Variants in TNIK observed in about 807,000 individuals in gnomAD.
TNIK encodes the protein TRAF2 and NCK interacting kinase, also known as TRAF2 and NCK-interacting protein kinase.
A neutral mutation model predicts 191.3 loss-of-function variants in TNIK; 49 were observed. The ratio of observed to expected loss-of-function variants is 0.26; its 90% CI spans 0.20 to 0.32. TNIK has a LOEUF of 0.32. TNIK is among the 10% of genes least tolerant of loss of function. The pLI is 1.00. For missense variants in TNIK, 1,155 were observed against 1,702.3 expected (o/e 0.68, Z 5.66); for synonymous variants, 594 against 600.9 (o/e 0.99, Z 0.17).
intron 2 of TNIK, among the ~76,000 whole-genome samples, chr3:171,350,595 T>TA (rs71178208): frequency 0.26 from 25,011 of 97,802 alleles, 3,465 homozygotes; most frequent in Middle Eastern, 0.39. Context: ...GCTCTGTTGC[T>TA]AAAAAAAAAA....
chr3:171,398,951 G>T (rs1254311698), intron 1 of TNIK, among the ~76,000 whole-genome samples: 1 of 152,110 alleles, frequency 6.6e-6, no homozygotes, highest in Non-Finnish European at 1.5e-5. Flanking sequence ...AAGAATCAGA[G>T]GCTCTCCTCT....
chr3:171,271,217 G>A (rs750414752), intron 2 of TNIK, among the ~76,000 whole-genome samples: 2 of 152,162 alleles, frequency 1.3e-5, no homozygotes, highest in Admixed American at 6.5e-5. Flanking sequence ...TACCTGTGTT[G>A]CCAACTCTAA....
chr3:171,217,754 G>GTA (rs1221985035), intron 3 of TNIK, among the ~76,000 whole-genome samples: 1 of 152,172 alleles, frequency 6.6e-6, no homozygotes, highest in Non-Finnish European at 1.5e-5. Context: ...ACCATGAGAA[G>GTA]TATGTGGTAG....
Position 171,068,083 on chromosome 3 carries a change from C to T in TNIK, c.3699+765G>A, listed in dbSNP as rs150243633. 7.2e-3 allele frequency among the ~76,000 whole-genome samples: 1,096 copies of T among 152,266 alleles called. 14 individuals carry two copies. Among genetic ancestry groups the T allele is most frequent in the African/African-American group, 0.025 (1,033 of 41,550 alleles). On this transcript the variant is annotated intron_variant, in intron 30 of 32. Transcript: ENST00000436636. ...TGTGTGTTAGTCTTGGGATTACACA[C>T]AGGACACACACTTTACACTACACTT...
intron 2 of TNIK, among the ~76,000 whole-genome samples, chr3:171,338,603 C>T (rs1287705276): frequency 6.6e-6 from 1 of 152,154 alleles, no homozygotes; most frequent in East Asian, 1.9e-4. Context: ...ATTCTCGTGC[C>T]TCAGCCTCCC....
intron 2 of TNIK, among the ~76,000 whole-genome samples, chr3:171,258,567 C>T (rs531465171): frequency 7.2e-5 from 11 of 152,256 alleles, no homozygotes; most frequent in Non-Finnish European, 1.5e-4. Flanking sequence ...ACCCACGAGA[C>T]CAGTAAAGAA....
intron 21 of TNIK, chr3:171,102,188 G>A (rs1444558353): frequency 6.6e-6 from 1 of 152,106 alleles, no homozygotes; most frequent in Non-Finnish European, 1.5e-5. Flanking sequence ...ATCAAATCAT[G>A]GCCCATCCTA....
chr3:171,285,474 A>AT (rs1425994169), intron 2 of TNIK, among the ~76,000 whole-genome samples: 6 of 152,204 alleles, frequency 3.9e-5, no homozygotes, highest in African/African-American at 9.6e-5. Flanking sequence ...GTAGAGCTGG[A>AT]TCCTAATGCC....
chr3:171,082,223 T>C (rs1250902905), intron 27 of TNIK, 28 bp downstream of exon 27: 3 of 1,606,616 alleles, frequency 1.9e-6, no homozygotes, highest in Non-Finnish European at 2.6e-6. Context: ...TGTATGGACC[T>C]GGGGGACTCA....
At chr3:171,415,075 C>T (rs1003371022) in intron 1 of TNIK, among the ~76,000 whole-genome samples, 2 of 152,154 alleles carry the variant, frequency 1.3e-5, no homozygotes, top group Non-Finnish European at 2.9e-5. Context: ...GCCCAACCCG[C>T]TGCCTGGCTC....
chr3:171,219,069 A>ATATAAATATATATTATATATATATATAAT lies in TNIK; in HGVS notation c.181-7829_181-7828insATTATATATATATATAATATATATTTATA, dbSNP rs1560278717. 8.9e-5 allele frequency among the ~76,000 whole-genome samples: 8 copies of ATATAAATATATATTATATATATATATAAT among 89,414 alleles called. No individual in the cohort carries two copies. The East Asian group carries it at 1.6e-3, about 18-fold the overall frequency. 58.7% of individuals were successfully genotyped at this position (89,414 alleles called of 152,430 possible). A position where few individuals can be genotyped will look rare whatever the true frequency, so the allele number is the denominator to read the frequency against. On this transcript the variant is annotated intron_variant, in intron 3 of 32. Transcript: ENST00000436636. ...TTATATTTAATATAATATATTAAATATATAAATATATATTTTATATAAATA... is the reference window on the plus strand; with the variant it reads ...TTATATTTAATATAATATATTAAATATATAAATATATATTATATATATATATAATTATAAATATATATTTTATATAAATA...
intron 17 of TNIK, among the ~76,000 whole-genome samples, chr3:171,124,561 G>C (rs1277974852): frequency 6.6e-6 from 1 of 152,138 alleles, no homozygotes; most frequent in Admixed American, 6.5e-5. Context: ...ATGAATCCTA[G>C]TATAGAAAAT....
At chr3:171,325,049 T>C (rs9833756) in intron 2 of TNIK, among the ~76,000 whole-genome samples, 95,249 of 151,882 alleles carry the variant, frequency 0.63, 30,432 homozygotes, top group African/African-American at 0.74. Context: ...TGCAATGAGC[T>C]GAGATGGCGC....
At chr3:171,254,935 A>G (rs1204813497) in intron 2 of TNIK, among the ~76,000 whole-genome samples, 1 of 152,198 alleles carries the variant, frequency 6.6e-6, no homozygotes, top group African/African-American at 2.4e-5. Context: ...GGCTTTGGGA[A>G]TTGTGTTCTG....
At chr3:171,150,513 T>C (rs918812849) in intron 12 of TNIK, among the ~76,000 whole-genome samples, 1 of 152,204 alleles carries the variant, frequency 6.6e-6, no homozygotes, top group Non-Finnish European at 1.5e-5. Context: ...ATGAACTTTA[T>C]TTAGATATTG....
At chr3:171,447,832 A>G (rs1727693984) in intron 1 of TNIK, among the ~76,000 whole-genome samples, 1 of 152,248 alleles carries the variant, frequency 6.6e-6, no homozygotes, top group African/African-American at 2.4e-5. Context: ...AAAGTTAGAA[A>G]TAACCTCAAG....
At chr3:171,236,855 C>A (rs1744328417) in intron 2 of TNIK, among the ~76,000 whole-genome samples, 1 of 152,088 alleles carries the variant, frequency 6.6e-6, no homozygotes, top group African/African-American at 2.4e-5. Context: ...CGAAGCTGGC[C>A]CCTATTGTCT....
intron 1 of TNIK, among the ~76,000 whole-genome samples, chr3:171,446,279 T>C (rs1229696270): frequency 6.6e-6 from 1 of 152,208 alleles, no homozygotes; most frequent in Non-Finnish European, 1.5e-5. Context: ...AAATGCTAAA[T>C]ATTATTATTA....
At chr3:171,450,689 C>A (rs1213367323) in intron 1 of TNIK, among the ~76,000 whole-genome samples, 1 of 152,074 alleles carries the variant, frequency 6.6e-6, no homozygotes, top group Non-Finnish European at 1.5e-5. Context: ...CCTATTTATG[C>A]CTTTTATCAG....
Sources: allele counts gnomAD v4.1 joint callset (sites outside exome capture counted in the v4.1 genomes callset), GRCh38; gene constraint gnomAD v4.1.1; transcripts MANE v1.5; gene names NCBI Gene and HGNC (gene_info 2026-07-23, HGNC 2026-07-21).